RANBP2: variants seen among roughly 807,000 people sequenced by gnomAD.
The protein encoded by RANBP2 is E3 SUMO-protein ligase RanBP2.
RANBP2 carries 57 observed loss-of-function variants against 303.6 expected under a neutral mutation model. The observed-to-expected ratio is 0.19, with a 90% confidence interval of 0.15 to 0.23. The LOEUF is 0.23. RANBP2 is among the 10% of genes least tolerant of loss of function. RANBP2 has a pLI of 1.00. For synonymous variants in RANBP2, 1,167 were observed against 1,301.5 expected (o/e 0.90, Z 2.23); for missense variants, 3,138 against 3,780.8 (o/e 0.83, Z 4.46).
the RANBP2 span, among the ~76,000 whole-genome samples, chr2:109,210,133 A>C: frequency 6.6e-6 from 1 of 151,550 alleles, no homozygotes; most frequent in African/African-American, 2.4e-5. Flanking sequence ...ATGCGTCACA[A>C]TCTCCTTCCT....
At chr2:109,557,588 T>C in the RANBP2 span, among the ~76,000 whole-genome samples, 1 of 152,236 alleles carries the variant, frequency 6.6e-6, no homozygotes, top group African/African-American at 2.4e-5. Flanking sequence ...GGACTGCTTC[T>C]GCATATTTTG....
the RANBP2 span, among the ~76,000 whole-genome samples, chr2:109,153,556 G>A: frequency 7.9e-5 from 12 of 152,184 alleles, no homozygotes. Context: ...CCTTATCACC[G>A]GGTCACCTGC....
At chr2:109,509,043 G>A in the RANBP2 span, among the ~76,000 whole-genome samples, 90 of 152,314 alleles carry the variant, frequency 5.9e-4, no homozygotes, top group African/African-American at 1.9e-3. Context: ...CATTCCTGCC[G>A]GGAGAAATGG....
chr2:109,638,402 C>A, the RANBP2 span, among the ~76,000 whole-genome samples: 1 of 152,152 alleles, frequency 6.6e-6, no homozygotes, highest in African/African-American at 2.4e-5. Flanking sequence ...TCCATCAGAG[C>A]AAGCTCAGGT....
At chr2:108,831,484 G>C in the RANBP2 span, among the ~76,000 whole-genome samples, 17 of 152,132 alleles carry the variant, frequency 1.1e-4, no homozygotes, top group African/African-American at 4.1e-4. Flanking sequence ...ATTTAGAGGG[G>C]ATAAAGATAT....
chr2:108,748,807 G>T, intron 8 of RANBP2, 113 bp from the exon 9 acceptor site: 1 of 1,600,514 alleles, frequency 6.2e-7, no homozygotes, highest in South Asian at 1.1e-5. Context: ...GGGTTGGAGG[G>T]TTAGGTATGC....
the RANBP2 span, among the ~76,000 whole-genome samples, chr2:109,080,168 AT>A: frequency 1.3e-5 from 2 of 152,200 alleles, no homozygotes; most frequent in Non-Finnish European, 2.9e-5. Context: ...CAAGATTTTA[AT>A]GGTTAATCAA....
the RANBP2 span, among the ~76,000 whole-genome samples, chr2:109,595,301 T>C: frequency 6.6e-6 from 1 of 152,222 alleles, no homozygotes; most frequent in African/African-American, 2.4e-5. Flanking sequence ...GTTCTGATTG[T>C]GTTTTTACAA....
chr2:108,885,684 C>T, the RANBP2 span, among the ~76,000 whole-genome samples: 2 of 152,202 alleles, frequency 1.3e-5, no homozygotes, highest in African/African-American at 2.4e-5. Context: ...CCCCAGTCAG[C>T]TGTTGAACAT....
chr2:109,231,837 G>T, the RANBP2 span, among the ~76,000 whole-genome samples: 1 of 152,146 alleles, frequency 6.6e-6, no homozygotes, highest in Non-Finnish European at 1.5e-5. Context: ...AGCTGGATTA[G>T]ATATTTGCCA....
the RANBP2 span, among the ~76,000 whole-genome samples, chr2:108,987,720 C>T: frequency 7.2e-5 from 11 of 152,200 alleles, no homozygotes; most frequent in Admixed American, 2.0e-4. Flanking sequence ...AGACCCCCGG[C>T]CAATCGCCAC....
chr2:109,319,218 C>T, the RANBP2 span, among the ~76,000 whole-genome samples: 1 of 152,210 alleles, frequency 6.6e-6, no homozygotes, highest in African/African-American at 2.4e-5. Flanking sequence ...ACAGTGGCAT[C>T]GTTTTGCAGG....
the RANBP2 span, among the ~76,000 whole-genome samples, chr2:108,854,826 A>T: frequency 1.3e-5 from 2 of 152,268 alleles, no homozygotes; most frequent in Admixed American, 6.5e-5. Flanking sequence ...GCTACATTTT[A>T]TTGGTTAAGT....
chr2:109,027,181 G>T, the RANBP2 span, among the ~76,000 whole-genome samples: 4 of 148,170 alleles, frequency 2.7e-5, no homozygotes, highest in Non-Finnish European at 5.9e-5. Flanking sequence ...GGCGGAGGTT[G>T]CAGTGAGCCA....
At chr2:109,670,336 T>TG in the RANBP2 span, among the ~76,000 whole-genome samples, 2 of 14,652 alleles carry the variant, frequency 1.4e-4, no homozygotes, top group Non-Finnish European at 1.3e-4. Flanking sequence ...GGGGGTTGGT[T>TG]GGGGGGTGCT....
downstream of RANBP2, among the ~76,000 whole-genome samples, chr2:108,788,293 G>A (rs1487306723): frequency 6.6e-6 from 1 of 151,310 alleles, no homozygotes; most frequent in East Asian, 2.0e-4. Context: ...GGTGGCGGGC[G>A]CCTGTAATCC....
the RANBP2 span, among the ~76,000 whole-genome samples, chr2:108,945,624 C>T: frequency 6.6e-6 from 1 of 152,138 alleles, no homozygotes; most frequent in African/African-American, 2.4e-5. Context: ...AAAAATGCAG[C>T]TAACTTTCTA....
At chr2:109,355,986 A>G in the RANBP2 span, among the ~76,000 whole-genome samples, 1 of 152,270 alleles carries the variant, frequency 6.6e-6, no homozygotes, top group East Asian at 1.9e-4. Flanking sequence ...GGGGTGGAGA[A>G]TCATTATTGT....
chr2:108,990,731 G>A, the RANBP2 span, among the ~76,000 whole-genome samples: 2 of 152,196 alleles, frequency 1.3e-5, no homozygotes, highest in Non-Finnish European at 2.9e-5. Context: ...CTTGATCCTT[G>A]TGGATGATTA....
Sources: gnomAD v4.1 joint callset for allele counts (sites outside exome capture counted in the v4.1 genomes callset) on GRCh38, gnomAD v4.1.1 for gene constraint, MANE v1.5 for transcripts, NCBI Gene and HGNC (gene_info 2026-07-23, HGNC 2026-07-21) for gene names.